The following GRID1 variants were observed in gnomAD, a reference collection of about 807,000 sequenced individuals.
GRID1 encodes the protein glutamate receptor ionotropic, delta-1.
Under a neutral mutation model 98.0 loss-of-function variants are expected in GRID1, and 28 were observed. The ratio of observed to expected loss-of-function variants is 0.29; its 90% CI spans 0.21 to 0.39. The LOEUF (loss-of-function observed/expected upper bound fraction) is 0.39. GRID1 is among the 10% of genes least tolerant of loss of function. GRID1 has a pLI of 1.00. For synonymous variants in GRID1, 553 were observed against 538.5 expected (o/e 1.03, Z -0.37); for missense variants, 1,111 against 1,340.5 (o/e 0.83, Z 2.67).
rs367805246 is a variant in GRID1, at chr10:86,212,993, C to T, written c.236-6345G>A. 7.2e-5 allele frequency among the ~76,000 whole-genome samples: 11 copies of T among 152,170 alleles called. No homozygotes were observed. In the East Asian group the frequency reaches 1.7e-3, roughly 24 times the overall value. ...GCTCTCCCGTCCCTCCTGCAGAAGA[C>T]GCCTCCCTCCAGAGCACAGGACACA... On this transcript the variant is annotated intron_variant, in intron 2 of 15. Coordinates refer to ENST00000327946, the MANE Select transcript of GRID1 (RefSeq NM_017551.3).
intron 5 of GRID1, among the ~76,000 whole-genome samples, chr10:85,902,354 G>A (rs2222546): frequency 6.6e-6 from 1 of 152,006 alleles, no homozygotes; most frequent in Non-Finnish European, 1.5e-5. Context: ...CTATGCAGAA[G>A]AGCATGCGAT....
At chr10:85,896,301 C>A (rs555679289) in intron 5 of GRID1, among the ~76,000 whole-genome samples, 1 of 152,052 alleles carries the variant, frequency 6.6e-6, no homozygotes, top group African/African-American at 2.4e-5. Flanking sequence ...TGGCTTGATG[C>A]GGAAATTTTG....
intron 4 of GRID1, among the ~76,000 whole-genome samples, chr10:85,975,485 C>T (rs544294717): frequency 7.2e-5 from 11 of 152,246 alleles, no homozygotes; most frequent in South Asian, 2.1e-4. Context: ...CTCTACCATA[C>T]GGGAAACAAA....
chr10:86,186,532 G>A (rs1845727690), intron 3 of GRID1, among the ~76,000 whole-genome samples: 1 of 151,934 alleles, frequency 6.6e-6, no homozygotes, highest in Admixed American at 6.6e-5. Context: ...CTTCTCTAAG[G>A]GACAATGGGG....
chr10:86,106,056 C>T (rs1364160155), intron 4 of GRID1, among the ~76,000 whole-genome samples: 18 of 152,146 alleles, frequency 1.2e-4, no homozygotes, highest in Admixed American at 1.0e-3. Context: ...GTCAAGACCA[C>T]GGTCTTGGGG....
rs534427389 is a variant in GRID1, at chr10:86,164,145, C to A, written c.521-25121G>T. Among the ~76,000 whole-genome samples, 128 of 152,334 alleles carry A rather than the reference C, an allele frequency of 8.4e-4. 2 individuals are homozygous for A. The South Asian group carries it at 0.026, about 31-fold the overall frequency. On this transcript the variant is annotated intron_variant, in intron 3 of 15. Transcript: ENST00000327946. ...CTGTGTGAGCTCAGTGAATAGATTACCCGCTTCAATTATTTTATCTAACGA... is the reference window on the plus strand; with the variant it reads ...CTGTGTGAGCTCAGTGAATAGATTAACCGCTTCAATTATTTTATCTAACGA...
chr10:85,895,307 C>T (rs752840268), intron 5 of GRID1, among the ~76,000 whole-genome samples: 6 of 152,082 alleles, frequency 3.9e-5, no homozygotes, highest in Admixed American at 1.3e-4. Context: ...CTCATCCCAA[C>T]CCCCATGATA....
intron 7 of GRID1, 58 bp downstream of exon 7, chr10:85,855,971 T>C: frequency 2.0e-6 from 3 of 1,505,440 alleles, no homozygotes; most frequent in South Asian, 1.2e-5. Context: ...GGGAACACAG[T>C]GGAGGTATAA....
intron 12 of GRID1, among the ~76,000 whole-genome samples, chr10:85,718,401 A>C (rs980124186): frequency 6.6e-6 from 1 of 151,906 alleles, no homozygotes; most frequent in African/African-American, 2.4e-5. Context: ...CTCCAACCCC[A>C]CATTTCCCTT....
intron 2 of GRID1, among the ~76,000 whole-genome samples, chr10:86,228,660 C>T (rs189289361): frequency 6.6e-6 from 1 of 152,226 alleles, no homozygotes; most frequent in Admixed American, 6.5e-5. Context: ...CCTGGACCCC[C>T]CAGTACCCAA....
intron 4 of GRID1, among the ~76,000 whole-genome samples, chr10:86,054,371 G>C (rs1355953417): frequency 2.0e-5 from 3 of 152,184 alleles, no homozygotes; most frequent in Non-Finnish European, 2.9e-5. Context: ...GTTGGTCTTT[G>C]AGAATATGCT....
At chr10:86,289,800 C>G (rs1056752490) in intron 2 of GRID1, among the ~76,000 whole-genome samples, 10 of 152,166 alleles carry the variant, frequency 6.6e-5, no homozygotes, top group Non-Finnish European at 5.9e-5. Context: ...GGGCAGCCAC[C>G]CCAGCTGGGC....
At chr10:86,181,833 A>G (rs1184466617) in intron 3 of GRID1, among the ~76,000 whole-genome samples, 2 of 152,068 alleles carry the variant, frequency 1.3e-5, no homozygotes, top group Non-Finnish European at 2.9e-5. Flanking sequence ...TTTCTTAGTT[A>G]TTTATTCTCT....
At chr10:86,186,895 A>G (rs1845732278) in intron 3 of GRID1, among the ~76,000 whole-genome samples, 1 of 152,216 alleles carries the variant, frequency 6.6e-6, no homozygotes, top group African/African-American at 2.4e-5. Context: ...TCATTTAGAG[A>G]GAAGCAAACT....
At chr10:85,981,479 C>G (rs1179470669) in intron 4 of GRID1, among the ~76,000 whole-genome samples, 1 of 152,212 alleles carries the variant, frequency 6.6e-6, no homozygotes, top group African/African-American at 2.4e-5. Context: ...GGGAGCCCAG[C>G]AGCCACTAGG....
chr10:85,884,583 T>C (rs1841085394), intron 5 of GRID1, among the ~76,000 whole-genome samples: 1 of 152,288 alleles, frequency 6.6e-6, no homozygotes, highest in East Asian at 1.9e-4. Flanking sequence ...GCTTCCACCT[T>C]ATTTTGTTTG....
chr10:86,128,856 T>C (rs999573086), intron 4 of GRID1, among the ~76,000 whole-genome samples: 7 of 152,152 alleles, frequency 4.6e-5, no homozygotes, highest in Non-Finnish European at 1.0e-4. Flanking sequence ...ATGTTCTGGG[T>C]ACCCATACCC....
chr10:85,791,198 G>A (rs1272886666), intron 8 of GRID1, among the ~76,000 whole-genome samples: 2 of 152,192 alleles, frequency 1.3e-5, no homozygotes, highest in East Asian at 3.9e-4. Context: ...CTGAGTCCAG[G>A]TTGGCCCCCA....
chr10:85,663,855 G>T (rs1840992032), intron 12 of GRID1, among the ~76,000 whole-genome samples: 1 of 152,158 alleles, frequency 6.6e-6, no homozygotes, highest in African/African-American at 2.4e-5. Flanking sequence ...TGGTTACAAG[G>T]TAATGTTACT....
Sources: gnomAD v4.1 joint callset for allele counts (sites outside exome capture counted in the v4.1 genomes callset) on GRCh38, gnomAD v4.1.1 for gene constraint, MANE v1.5 for transcripts, NCBI Gene and HGNC (gene_info 2026-07-23, HGNC 2026-07-21) for gene names.